The following SORD variants were observed in gnomAD, a reference collection of about 807,000 sequenced individuals.
SORD encodes the protein (R,R)-butanediol dehydrogenase.
SORD carries 18 observed loss-of-function variants against 35.6 expected under a neutral mutation model. That is an observed-to-expected ratio of 0.51 (90% CI 0.35 to 0.75). The LOEUF is 0.75. Among genes scored for constraint, SORD ranks in the 30% least tolerant of loss-of-function variants. The pLI is 0.01. For missense variants in SORD, 250 were observed against 390.2 expected, an observed-to-expected ratio of 0.64 and a Z score of 3.03; for synonymous variants, 106 against 152.9, an observed-to-expected ratio of 0.69 and a Z score of 2.26.
At chr15:45,061,355 G>T (rs1408527615) in intron 4 of SORD, 129 bp downstream of exon 4, 22 of 995,012 alleles carry the variant, frequency 2.2e-5, no homozygotes, top group Non-Finnish European at 2.8e-5. Context: ...ACCTGGACAG[G>T]CTACTCTTCT....
Position 45,065,353 on chromosome 15 carries a change from G to A in SORD, c.508G>A (p.Val170Ile), listed in dbSNP as rs762844256. ...GATCCATGCCTGCAGGAGAGGCGGA[G>A]TTACCCTGGGACACAAGGTCCTTGT... is the stretch of plus-strand genomic sequence containing the variant. ...VGIHACRRGG[V>I]TLGHKVLVCG... Residue 170 changes from valine to isoleucine, a missense_variant, in exon 5 of 9, where the codon GTT (valine) becomes ATT (isoleucine). Coordinates refer to ENST00000267814, the MANE Select transcript of SORD (RefSeq NM_003104.6). 2.5e-6 allele frequency: 4 copies of A among 1,613,758 alleles called. No homozygotes were observed. In the East Asian group the frequency reaches 8.9e-5, roughly 36 times the overall value.
At chr15:45,050,524 T>C (rs1420325876) in intron 3 of SORD, 1 of 152,252 alleles carries the variant, frequency 6.6e-6, no homozygotes, top group Non-Finnish European at 1.5e-5. Context: ...AGGAATCCTG[T>C]ACAGGGACTG....
intron 3 of SORD, among the ~76,000 whole-genome samples, chr15:45,049,203 C>T (rs754801457): frequency 7.9e-5 from 12 of 152,174 alleles, no homozygotes; most frequent in Admixed American, 1.3e-4. Flanking sequence ...AGGACCTGCC[C>T]TAACTGTGTG....
intron 4 of SORD, among the ~76,000 whole-genome samples, chr15:45,061,959 A>C (rs571953428): frequency 2.6e-5 from 4 of 152,302 alleles, no homozygotes; most frequent in African/African-American, 9.6e-5. Flanking sequence ...GTGTGCTGCC[A>C]GGGCTTGAGC....
chr15:45,031,326 C>CAA (rs201515287), intron 1 of SORD, among the ~76,000 whole-genome samples: 3,296 of 92,656 alleles, frequency 0.036, 7 homozygotes, highest in African/African-American at 0.17. Flanking sequence ...ACAACAACGA[C>CAA]AAAAAAAAAA....
At chr15:45,066,143 G>T (rs1415821665) in intron 5 of SORD, among the ~76,000 whole-genome samples, 1 of 150,966 alleles carries the variant, frequency 6.6e-6, no homozygotes. Context: ...TACTTGGAAG[G>T]CTGAGACAGG....
At chr15:45,030,394 C>T (rs1452546861) in intron 1 of SORD, among the ~76,000 whole-genome samples, 2 of 152,228 alleles carry the variant, frequency 1.3e-5, no homozygotes, top group African/African-American at 4.8e-5. Context: ...ACAATATTAG[C>T]ATCTAACTTA....
chr15:45,063,392 T>G (rs1423545918), intron 4 of SORD, among the ~76,000 whole-genome samples: 1 of 151,862 alleles, frequency 6.6e-6, no homozygotes, highest in African/African-American at 2.4e-5. Flanking sequence ...CATGAAAGGT[T>G]GGGGCTGGGA....
intron 1 of SORD, among the ~76,000 whole-genome samples, chr15:45,026,869 C>A (rs958345006): frequency 9.0e-4 from 113 of 125,978 alleles, no homozygotes; most frequent in African/African-American, 5.4e-3. Context: ...TGGGGGAATG[C>A]GACCTTAGTC....
rs537155399 is a variant in SORD at position 45,058,882 on chromosome 15, A to C, written c.266-2185A>C. ...CTTATTTGTGCAGCTGCAAGCATGTATTAGGCAAGCACAGAGTGCAGCTTC... is the reference window on the plus strand; with the variant it reads ...CTTATTTGTGCAGCTGCAAGCATGTCTTAGGCAAGCACAGAGTGCAGCTTC... On this transcript the variant is annotated intron_variant, in intron 3 of 8. Transcript: ENST00000267814. Among the ~76,000 whole-genome samples, 6 of 152,306 alleles carry C rather than the reference A, an allele frequency of 3.9e-5. No homozygotes were observed. In the East Asian group the frequency reaches 9.6e-4, roughly 24 times the overall value.
intron 5 of SORD, among the ~76,000 whole-genome samples, 164 bp downstream of exon 5, chr15:45,065,553 C>T (rs1893391032): frequency 6.6e-6 from 1 of 152,198 alleles, no homozygotes. Context: ...CTTTGCTAAA[C>T]AAATGAGTAT....
rs562787340 is a variant in SORD at position 45,072,541 on chromosome 15, G to T, written c.908+103G>T. On this transcript the variant is annotated intron_variant, in intron 8 of 8. Transcript: ENST00000267814. The stretch of plus-strand genomic sequence containing the variant: ...TGAGTCTCTGCCTGTTTGTTCATGG[G>T]GGGCACTCCCTGGCCACACTGATAG... The T allele has an allele frequency of 7.6e-4, 332 of 437,176 alleles. 25 individuals carry two copies. Among genetic ancestry groups the T allele is most frequent in the African/African-American group, 5.9e-3 (315 of 52,970 alleles). 27.1% of individuals were successfully genotyped at this position (437,176 alleles called of 1,614,324 possible).
At chr15:45,068,292 G>T in intron 6 of SORD, 46 bp downstream of exon 6, 1 of 1,420,560 alleles carries the variant, frequency 7.0e-7, no homozygotes, top group Non-Finnish European at 1.0e-6. Flanking sequence ...GAAACAGCGG[G>T]TCCTACTGTA....
intron 7 of SORD, chr15:45,070,116 T>C (rs1185727033): frequency 1.3e-5 from 2 of 152,092 alleles, no homozygotes; most frequent in African/African-American, 2.4e-5. Flanking sequence ...GCTGAGGGAT[T>C]TGTGGTTTGT....
At chr15:45,028,789 CTTAT>C (rs1311176056) in intron 1 of SORD, among the ~76,000 whole-genome samples, 3 of 152,196 alleles carry the variant, frequency 2.0e-5, no homozygotes, top group African/African-American at 7.2e-5. Context: ...TTTAAATACT[CTTAT>C]TTATTTTTAA....
chr15:45,046,486 G>C (rs1248835079), intron 3 of SORD, among the ~76,000 whole-genome samples: 1 of 152,136 alleles, frequency 6.6e-6, no homozygotes, highest in East Asian at 1.9e-4. Flanking sequence ...CAGGTGATCA[G>C]CCCTCCTCGG....
intron 3 of SORD, among the ~76,000 whole-genome samples, chr15:45,045,047 C>A (rs1893025344): frequency 6.6e-6 from 1 of 152,082 alleles, no homozygotes; most frequent in African/African-American, 2.4e-5. Context: ...TTATTATCTT[C>A]ATTAATTGAA....
intron 2 of SORD, among the ~76,000 whole-genome samples, chr15:45,041,189 C>T (rs1892960075): frequency 6.6e-6 from 1 of 152,168 alleles, no homozygotes; most frequent in African/African-American, 2.4e-5. Context: ...AAAGCCCAGC[C>T]CACCGTCTGC....
At chr15:45,041,724 A>C (rs1892968546) in intron 2 of SORD, 1 of 152,220 alleles carries the variant, frequency 6.6e-6, no homozygotes, top group Non-Finnish European at 1.5e-5. Context: ...TGGCCAAACG[A>C]GGGCTGTCTT....
Sources: allele counts gnomAD v4.1 joint callset (sites outside exome capture counted in the v4.1 genomes callset), GRCh38; gene constraint gnomAD v4.1.1; transcripts MANE v1.5; gene names NCBI Gene and HGNC (gene_info 2026-07-23, HGNC 2026-07-21).